The following TMEM132B variants were observed in gnomAD, a reference collection of about 807,000 sequenced individuals.
TMEM132B encodes transmembrane protein 132B.
TMEM132B carries 18 observed loss-of-function variants against 90.8 expected under a neutral mutation model. That is an observed-to-expected ratio of 0.20 (90% CI 0.14 to 0.29). The LOEUF (loss-of-function observed/expected upper bound fraction) is 0.29, where lower values mean the gene tolerates loss of function less well. Ranked by LOEUF, TMEM132B falls within the 10% of genes least tolerant of loss-of-function variation. TMEM132B has a pLI of 1.00. For synonymous variants in TMEM132B, 504 were observed against 523.3 expected, an observed-to-expected ratio of 0.96 and a Z score of 0.50; for missense variants, 1,096 against 1,326.8, an observed-to-expected ratio of 0.83 and a Z score of 2.70.
intron 1 of TMEM132B, among the ~76,000 whole-genome samples, chr12:125,325,186 A>T (rs1456685159): frequency 6.6e-6 from 1 of 152,350 alleles, no homozygotes; most frequent in South Asian, 2.1e-4. Flanking sequence ...TCACAGGCCC[A>T]GAACATATGG....
At chr12:125,579,448 G>A (rs2136856648) in intron 4 of TMEM132B, among the ~76,000 whole-genome samples, 1 of 150,942 alleles carries the variant, frequency 6.6e-6, no homozygotes, top group African/African-American at 2.4e-5. Flanking sequence ...TGCAATCTCT[G>A]CCTCCTGGGT....
At chr12:125,323,190 C>G (rs1054118734) in intron 1 of TMEM132B, among the ~76,000 whole-genome samples, 4 of 152,198 alleles carry the variant, frequency 2.6e-5, no homozygotes, top group African/African-American at 9.6e-5. Context: ...AATCCCAGCA[C>G]TTTGGGAGGC....
chr12:125,498,939 A>G lies in TMEM132B; in HGVS notation c.1107-20500A>G, dbSNP rs1219354551. Among the ~76,000 whole-genome samples the G allele has an allele frequency of 6.6e-6, 1 of 152,250 alleles. No individual in the cohort carries two copies. Among genetic ancestry groups the G allele is most frequent in the Non-Finnish European group, 1.5e-5 (1 of 68,032 alleles). On this transcript the variant is annotated intron_variant, in intron 3 of 8. Coordinates refer to ENST00000682704, the MANE Select transcript of TMEM132B (RefSeq NM_001366854.1). This position sits in a 1 kb window ranked among gnomAD's most constrained non-coding sequence, Gnocchi z 4.5. Reference sequence around the variant, plus strand: ...GTTGGTGATAAGCTTGGGAATGCTCAGTTAGCAAAATAATAATAATCTCTA... The same window carrying G: ...GTTGGTGATAAGCTTGGGAATGCTCGGTTAGCAAAATAATAATAATCTCTA...
intron 3 of TMEM132B, among the ~76,000 whole-genome samples, chr12:125,491,180 T>C (rs1438600733): frequency 6.6e-6 from 1 of 152,306 alleles, no homozygotes; most frequent in East Asian, 1.9e-4. Context: ...TTTATTGTTT[T>C]AATCTCCTAA....
At chr12:125,341,781 A>G (rs1877186980) in intron 1 of TMEM132B, among the ~76,000 whole-genome samples, 1 of 152,208 alleles carries the variant, frequency 6.6e-6, no homozygotes, top group Non-Finnish European at 1.5e-5. Flanking sequence ...TAATATATAC[A>G]TTCACCATGC....
rs576832992 is a variant in TMEM132B, at chr12:125,635,255, A to G, written c.1438-8821A>G. On this transcript the variant is annotated intron_variant, in intron 5 of 8. Coordinates refer to ENST00000682704, the MANE Select transcript of TMEM132B (RefSeq NM_001366854.1). The stretch of plus-strand genomic sequence containing the variant: ...GGCTTGCTGCACACATCAACCCGTC[A>G]TCTACATGAGGTATTTCTCCTAATG... Among the ~76,000 whole-genome samples, 70 of 152,280 alleles carry G rather than the reference A, an allele frequency of 4.6e-4. No homozygotes were observed. In the South Asian group the frequency reaches 0.014, roughly 31 times the overall value.
At chr12:125,468,879 AT>A (rs1315702223) in intron 3 of TMEM132B, among the ~76,000 whole-genome samples, 1 of 152,064 alleles carries the variant, frequency 6.6e-6, no homozygotes, top group Non-Finnish European at 1.5e-5. Context: ...GATTGTTTTA[AT>A]TTCATTTTCA....
At chr12:125,311,263 C>T (rs767844739) in intron 1 of TMEM132B, among the ~76,000 whole-genome samples, 2 of 152,268 alleles carry the variant, frequency 1.3e-5, no homozygotes, top group East Asian at 1.9e-4. Flanking sequence ...GTTACAAGAG[C>T]GGTGCCATTT....
At chr12:125,316,034 T>G (rs1447477762) in intron 1 of TMEM132B, among the ~76,000 whole-genome samples, 1 of 152,150 alleles carries the variant, frequency 6.6e-6, no homozygotes, top group Non-Finnish European at 1.5e-5. Flanking sequence ...GTAGCAGAGT[T>G]TGTCCTGGAT....
At chr12:125,353,707 C>T (rs1012013662) in intron 2 of TMEM132B, among the ~76,000 whole-genome samples, 13 of 152,068 alleles carry the variant, frequency 8.5e-5, no homozygotes, top group African/African-American at 2.7e-4. Flanking sequence ...GTGATCTGAC[C>T]ATAGAGCTTG....
intron 3 of TMEM132B, among the ~76,000 whole-genome samples, chr12:125,484,650 T>A (rs12809254): frequency 2.0e-5 from 3 of 151,736 alleles, no homozygotes; most frequent in African/African-American, 7.3e-5. Context: ...ATTATTATTG[T>A]GACAGGGTCT....
chr12:125,581,271 T>C (rs2214647), intron 4 of TMEM132B, among the ~76,000 whole-genome samples: 60,531 of 152,136 alleles, frequency 0.4, 15,033 homozygotes, highest in African/African-American at 0.7. Context: ...AGCCTGTTAC[T>C]TGTCCTCATG....
chr12:125,507,376 C>A (rs913813128), intron 3 of TMEM132B, among the ~76,000 whole-genome samples: 2 of 151,984 alleles, frequency 1.3e-5, no homozygotes, highest in Admixed American at 6.5e-5. Context: ...CAGAAATAGC[C>A]CAAAGAAAGG....
chr12:125,305,893 T>C (rs769255334), intron 1 of TMEM132B, among the ~76,000 whole-genome samples: 2 of 152,226 alleles, frequency 1.3e-5, no homozygotes, highest in South Asian at 4.1e-4. Flanking sequence ...TTAGAGATCA[T>C]GCTAGGTTAT....
Position 125,296,639 on chromosome 12 carries a change from C to T in TMEM132B, c.68-52813C>T, listed in dbSNP as rs554230425. ...ATCCATCCCATGAGGGGAAGAATGG[C>T]TTCTCTGCCGTATCTCAAATGCTCG... On this transcript the variant is annotated intron_variant, in intron 1 of 8. Transcript: ENST00000682704. Among the ~76,000 whole-genome samples the T allele has an allele frequency of 3.9e-5, 6 of 152,380 alleles. No homozygotes were observed. In the East Asian group the frequency reaches 1.2e-3, roughly 29 times the overall value.
chr12:125,340,335 G>A (rs995449432), intron 1 of TMEM132B, among the ~76,000 whole-genome samples: 7 of 152,060 alleles, frequency 4.6e-5, no homozygotes, highest in African/African-American at 1.7e-4. Context: ...AATTCAGTGC[G>A]TGCTAATTTT....
intron 5 of TMEM132B, among the ~76,000 whole-genome samples, chr12:125,598,673 T>G (rs964088022): frequency 3.3e-5 from 5 of 152,210 alleles, no homozygotes; most frequent in Non-Finnish European, 5.9e-5. Flanking sequence ...AACTTTCCTT[T>G]AATAGGATGG....
At chr12:125,557,954 G>T (rs1350826218) in intron 4 of TMEM132B, among the ~76,000 whole-genome samples, 1 of 152,162 alleles carries the variant, frequency 6.6e-6, no homozygotes, top group South Asian at 2.1e-4. Flanking sequence ...ACTGATAAAA[G>T]GCCCTCCTGT....
intron 3 of TMEM132B, among the ~76,000 whole-genome samples, chr12:125,502,042 G>T (rs1882712924): frequency 6.6e-6 from 1 of 152,202 alleles, no homozygotes; most frequent in African/African-American, 2.4e-5. Flanking sequence ...ATGCATGTGT[G>T]TGCCCATGTG....
Sources: gnomAD v4.1 joint callset for allele counts (sites outside exome capture counted in the v4.1 genomes callset) on GRCh38, gnomAD v4.1.1 for gene constraint, Gnocchi (gnomAD v3.1) non-coding constraint, MANE v1.5 for transcripts, NCBI Gene and HGNC (gene_info 2026-07-23, HGNC 2026-07-21) for gene names.